Variants in IGF1 observed in about 807,000 individuals in gnomAD.
The protein encoded by IGF1 is insulin like growth factor 1, also known as insulin-like growth factor 1.
In IGF1, 4 loss-of-function variants were observed where a neutral mutation model predicts 13.8. The ratio of observed to expected loss-of-function variants is 0.29; its 90% CI spans 0.14 to 0.66. The LOEUF (loss-of-function observed/expected upper bound fraction) is 0.66, where lower values mean the gene tolerates loss of function less well. Ranked by LOEUF, IGF1 falls within the 30% of genes least tolerant of loss-of-function variation. IGF1 has a pLI of 0.78. For missense variants in IGF1, 124 were observed against 188.5 expected (o/e 0.66, Z 2.00); for synonymous variants, 76 against 72.6 (o/e 1.05, Z -0.23).
intron 2 of IGF1, among the ~76,000 whole-genome samples, chr12:102,450,550 C>T (rs550860077): frequency 4.6e-5 from 7 of 152,336 alleles, no homozygotes; most frequent in Admixed American, 2.6e-4. Context: ...ATCTCTTCTT[C>T]GCCTTCCATC....
intron 2 of IGF1, among the ~76,000 whole-genome samples, chr12:102,457,667 T>C (rs773812183): frequency 3.9e-5 from 6 of 152,222 alleles, no homozygotes; most frequent in Non-Finnish European, 8.8e-5. Context: ...TGAAAATTTT[T>C]TGTATTCTTT....
chr12:102,415,161 T>A (rs553776305), intron 3 of IGF1, among the ~76,000 whole-genome samples: 1 of 152,294 alleles, frequency 6.6e-6, no homozygotes, highest in East Asian at 1.9e-4. Context: ...AGAATAGGAA[T>A]CATTTCATCT....
chr12:102,423,569 A>G (rs1875937075), intron 2 of IGF1, among the ~76,000 whole-genome samples: 1 of 152,218 alleles, frequency 6.6e-6, no homozygotes, highest in Admixed American at 6.5e-5. Flanking sequence ...ATGACTAGAC[A>G]TAATGTTTAG....
intron 3 of IGF1, chr12:102,415,554 C>CCTTCCTTCCTTCCTTCCTTCCGTCCTTA (rs1875041314): frequency 1.5e-5 from 2 of 129,100 alleles, no homozygotes; most frequent in African/African-American, 5.9e-5. Flanking sequence ...TTCCTTCCTT[C>CCTTCCTTCCTTCCTTCCTTCCGTCCTTA]CTTCCTTCCT....
In IGF1 at chr12:102,416,826, C is replaced by G. The variant is rs184754312; in HGVS notation, c.402+2683G>C. 2.0e-5 allele frequency among the ~76,000 whole-genome samples: 3 copies of G among 152,266 alleles called. No individual in the cohort carries two copies. In the East Asian group the frequency reaches 5.8e-4, roughly 29 times the overall value. On this transcript the variant is annotated intron_variant, in intron 3 of 3. Transcript: ENST00000337514. ...AAATTCATGTGTTGAAGCCCTAACT[C>G]CCAGTACGTCAAAATATGACTGTAT...
chr12:102,444,763 A>G (rs1268104730), intron 2 of IGF1, among the ~76,000 whole-genome samples: 1 of 152,110 alleles, frequency 6.6e-6, no homozygotes, highest in Non-Finnish European at 1.5e-5. Context: ...ATGAATAGGC[A>G]AGGCAAAGTT....
At chr12:102,413,681 A>T (rs1172333731) in intron 3 of IGF1, among the ~76,000 whole-genome samples, 2 of 152,202 alleles carry the variant, frequency 1.3e-5, no homozygotes, top group Non-Finnish European at 2.9e-5. Context: ...TGGCAATTTT[A>T]CTTAAGACTA....
At chr12:102,476,895 T>C (rs1276651694) in intron 1 of IGF1, among the ~76,000 whole-genome samples, 1 of 152,160 alleles carries the variant, frequency 6.6e-6, no homozygotes, top group Non-Finnish European at 1.5e-5. Flanking sequence ...TTTTCCATAT[T>C]GTTACTTGTG....
intron 2 of IGF1, among the ~76,000 whole-genome samples, chr12:102,443,679 A>G (rs1412582948): frequency 6.6e-6 from 1 of 152,118 alleles, no homozygotes; most frequent in Non-Finnish European, 1.5e-5. Flanking sequence ...CAATGTCTCC[A>G]TTATGGCTTT....
In IGF1 at chr12:102,402,425, G is replaced by A; in HGVS notation, c.*82C>T. On this transcript the variant is annotated 3_prime_UTR_variant, in exon 4 of 4. Transcript: ENST00000337514. ...TTATCAAACTTATTTTTTGGTAGGTGTTCCAAAGTTTAACAGGTAACTCGT... is the reference window on the plus strand; with the variant it reads ...TTATCAAACTTATTTTTTGGTAGGTATTCCAAAGTTTAACAGGTAACTCGT... 1.3e-6 allele frequency: 1 copy of A among 778,698 alleles called. No individual in the cohort carries two copies. Among genetic ancestry groups the A allele is most frequent in the East Asian group, 2.4e-5 (1 of 41,202 alleles). The allele number at this position is 778,698 out of a possible 1,614,324, so 48.2% of individuals were successfully genotyped here. A position where few individuals can be genotyped will look rare whatever the true frequency, so the allele number is the denominator to read the frequency against.
intron 2 of IGF1, among the ~76,000 whole-genome samples, chr12:102,451,882 A>T (rs1878968764): frequency 1.3e-5 from 2 of 152,082 alleles, no homozygotes; most frequent in Admixed American, 1.3e-4. Flanking sequence ...TGCTGTTCTC[A>T]TGATGGTGAG....
At chr12:102,479,960 A>C (rs965093545) in intron 1 of IGF1, among the ~76,000 whole-genome samples, 2 of 129,962 alleles carry the variant, frequency 1.5e-5, no homozygotes, top group South Asian at 5.7e-4. Context: ...AAAATAAAAC[A>C]TCTGCACCTG....
intron 2 of IGF1, among the ~76,000 whole-genome samples, chr12:102,443,670 A>C (rs1198188895): frequency 6.6e-6 from 1 of 152,066 alleles, no homozygotes; most frequent in Non-Finnish European, 1.5e-5. Context: ...TAATGCCTCC[A>C]ATGTCTCCAT....
chr12:102,406,275 G>T (rs561572066), intron 3 of IGF1, among the ~76,000 whole-genome samples: 8 of 152,148 alleles, frequency 5.3e-5, no homozygotes, highest in Non-Finnish European at 1.2e-4. Context: ...ACTTAATTAC[G>T]CCAGCCACCC....
chr12:102,474,964 A>G (rs539871389), intron 2 of IGF1, among the ~76,000 whole-genome samples: 7 of 152,308 alleles, frequency 4.6e-5, no homozygotes, highest in South Asian at 2.1e-4. Flanking sequence ...ACCCTTTTCC[A>G]GATGGTGATA....
At chr12:102,476,250 C>T (rs1241828048) in intron 1 of IGF1, among the ~76,000 whole-genome samples, 1 of 152,130 alleles carries the variant, frequency 6.6e-6, no homozygotes, top group Non-Finnish European at 1.5e-5. Flanking sequence ...CAATATTGGC[C>T]ATCCATAGAT....
chr12:102,448,678 T>A, intron 2 of IGF1, among the ~76,000 whole-genome samples: 1 of 91,008 alleles, frequency 1.1e-5, no homozygotes. Context: ...ACCCTAAAAC[T>A]TAGAGTATAA....
Position 102,397,200 on chromosome 12 carries a change from T to A in IGF1, c.*5307A>T. ...CTGGGGGACAGTGCGAGACCCCATC[T>A]CACAAAAAGGAAAAAAAAAAAGAGG... On this transcript the variant is annotated 3_prime_UTR_variant, in exon 4 of 4. Coordinates refer to ENST00000337514, the MANE Select transcript of IGF1 (RefSeq NM_000618.5). The A allele has an allele frequency of 5.0e-6, 1 of 201,694 alleles. No homozygotes were observed. The allele number at this position is 201,694 out of a possible 1,614,324, so 12.5% of individuals were successfully genotyped here.
intron 2 of IGF1, among the ~76,000 whole-genome samples, chr12:102,457,083 C>T (rs750304562): frequency 1.1e-4 from 16 of 152,156 alleles, no homozygotes; most frequent in Non-Finnish European, 1.6e-4. Context: ...AGCCAACCAG[C>T]GAATTCAAGG....
Sources: allele counts gnomAD v4.1 joint callset (sites outside exome capture counted in the v4.1 genomes callset), GRCh38; gene constraint gnomAD v4.1.1; transcripts MANE v1.5; gene names NCBI Gene and HGNC (gene_info 2026-07-23, HGNC 2026-07-21).